Variants in ASH1L observed in about 807,000 individuals in gnomAD.
ASH1L encodes histone-lysine N-methyltransferase ASH1L.
ASH1L carries 23 observed loss-of-function variants against 269.0 expected under a neutral mutation model. The ratio of observed to expected loss-of-function variants is 0.09; its 90% CI spans 0.06 to 0.12. The LOEUF is 0.12. Ranked by LOEUF, ASH1L falls within the 10% of genes least tolerant of loss-of-function variation. The pLI is 1.00. For synonymous variants in ASH1L, 1,187 were observed against 1,253.5 expected (o/e 0.95, Z 1.12); for missense variants, 2,912 against 3,567.8 (o/e 0.82, Z 4.68).
At position 155,354,488 on chromosome 1, in the gene ASH1L, C is replaced by A; in HGVS notation, c.7198G>T (p.Gly2400Trp). 2 of 1,607,264 alleles carry A rather than the reference C, an allele frequency of 1.2e-6. No homozygotes were observed. Among genetic ancestry groups the A allele is most frequent in the South Asian group, 1.1e-5 (1 of 89,048 alleles). The change falls in exon 16 of 28, where the codon GGG (glycine) becomes TGG (tryptophan). Residue 2400 changes from glycine to tryptophan, a missense_variant. Around this residue, in one of 13 missense-constraint regions of ASH1L, gnomAD observed 309 missense variants for 435.1 expected, o/e 0.71. Coordinates refer to ENST00000392403, the MANE Select transcript of ASH1L (RefSeq NM_018489.3). ...AATGCCTTACCAGACTTGATATTCC[C>A]ATCATCTCGGCAGATCCCATTCCAA... ...TRWNGICRDD[G>W]NIKSDVFMTQ...
At position 155,370,578 on chromosome 1, in the gene ASH1L, A is replaced by G. The variant is rs1470010623; in HGVS notation, c.6612T>C (p.Ile2204=). 5 of 1,614,180 alleles carry G rather than the reference A, an allele frequency of 3.1e-6. No individual in the cohort carries two copies. In the African/African-American group the frequency reaches 5.3e-5, roughly 17 times the overall value. ...CCTCATTTCCCATGCGGTAACTGTC[A>G]ATCACCATCCCACTATCCAGGTTCA... is the stretch of plus-strand genomic sequence containing the variant. ...YCLNLDSGMV[I]DSYRMGNEAR... is the part of the protein sequence containing the mutation. The change falls in exon 12 of 28, where the codon ATT becomes ATC. Residue 2204 remains isoleucine, a synonymous_variant. Transcript: ENST00000392403.
chr1:155,471,173 T>C (rs915037736), intron 3 of ASH1L, among the ~76,000 whole-genome samples: 1 of 152,164 alleles, frequency 6.6e-6, no homozygotes, highest in Non-Finnish European at 1.5e-5. Context: ...GATGGAGAGA[T>C]TCCAAGATAG....
intron 1 of ASH1L, among the ~76,000 whole-genome samples, chr1:155,551,264 G>T (rs1420386837): frequency 6.6e-6 from 1 of 151,156 alleles, no homozygotes; most frequent in African/African-American, 2.5e-5. Flanking sequence ...TAGGCACACA[G>T]TATCTTTTCC....
intron 8 of ASH1L, among the ~76,000 whole-genome samples, 170 bp from the exon 9 acceptor site, chr1:155,378,718 T>C (rs1656678610): frequency 6.6e-6 from 1 of 152,204 alleles, no homozygotes; most frequent in African/African-American, 2.4e-5. Flanking sequence ...GTGATCTCTT[T>C]TTACTCTGAA....
intron 6 of ASH1L, among the ~76,000 whole-genome samples, chr1:155,405,634 A>C (rs1571122215): frequency 1.3e-5 from 2 of 152,196 alleles, no homozygotes; most frequent in East Asian, 3.9e-4. Context: ...GTTCAAGATC[A>C]GCTTGACCAA....
At chr1:155,536,371 G>A (rs940516130) in intron 1 of ASH1L, among the ~76,000 whole-genome samples, 2 of 152,128 alleles carry the variant, frequency 1.3e-5, no homozygotes, top group Non-Finnish European at 2.9e-5. Context: ...TTTAAGAAAT[G>A]ACATGATCTG....
chr1:155,342,936 T>C (rs2148320916), intron 24 of ASH1L: 1 of 161,494 alleles, frequency 6.2e-6, no homozygotes, highest in South Asian at 1.8e-4. Context: ...TTGGAGAATC[T>C]TTCATCATAT....
At chr1:155,463,477 T>C (rs1296127132) in intron 3 of ASH1L, among the ~76,000 whole-genome samples, 2 of 152,190 alleles carry the variant, frequency 1.3e-5, no homozygotes, top group African/African-American at 4.8e-5. Flanking sequence ...TATATATTAA[T>C]TGAGTCCTTA....
At position 155,368,215 on chromosome 1, in the gene ASH1L, T is replaced by C. The variant is rs959852411; in HGVS notation, c.6686+2289A>G. Among the ~76,000 whole-genome samples, 5 of 152,152 alleles carry C rather than the reference T, an allele frequency of 3.3e-5. No homozygotes were observed. The East Asian group carries it at 5.8e-4, about 18-fold the overall frequency. The stretch of plus-strand genomic sequence containing the variant: ...TCTCACCATCTTGCCTAGGCTGGTC[T>C]TGAACTCCTGGGCTCAAGCAATCCT... On this transcript the variant is annotated intron_variant, in intron 12 of 27. Coordinates refer to ENST00000392403, the MANE Select transcript of ASH1L (RefSeq NM_018489.3).
rs186293295 is a variant in ASH1L, at chr1:155,449,150, G to A, written c.5087-10082C>T. On this transcript the variant is annotated intron_variant, in intron 4 of 27. Coordinates refer to ENST00000392403, the MANE Select transcript of ASH1L (RefSeq NM_018489.3). ...AGGGTTTCACCATGTTGGCCAGGATGGTCTCGATCTCTTGACCTCATGATC... is the reference window on the plus strand; with the variant it reads ...AGGGTTTCACCATGTTGGCCAGGATAGTCTCGATCTCTTGACCTCATGATC... Among the ~76,000 whole-genome samples, 504 of 151,900 alleles carry A rather than the reference G, an allele frequency of 3.3e-3. 3 individuals carry two copies. The highest frequency in any genetic ancestry group is 0.012 in the African/African-American group (484 of 41,416).
At chr1:155,471,760 A>C (rs1011450497) in intron 3 of ASH1L, among the ~76,000 whole-genome samples, 1 of 152,262 alleles carries the variant, frequency 6.6e-6, no homozygotes, top group Non-Finnish European at 1.5e-5. Context: ...GGTTGCACGA[A>C]GTTGCAAATT....
At chr1:155,547,588 T>C (rs1336051600) in intron 1 of ASH1L, among the ~76,000 whole-genome samples, 1 of 151,890 alleles carries the variant, frequency 6.6e-6, no homozygotes, top group Non-Finnish European at 1.5e-5. Context: ...CCAGGTGTGG[T>C]AGCACATGAC....
At position 155,480,541 on chromosome 1, in the gene ASH1L, G is replaced by A. The variant is rs150671158; in HGVS notation, c.2329C>T (p.Arg777Cys). The part of the protein sequence containing the change: ...PSFVDHDFLK[R>C]RLPKLSKSTA... ...GATTTGCTCAACTTTGGCAATCGGCGTTTAAGGAAGTCATGATCTACAAAT... is the reference window on the plus strand; with the variant it reads ...GATTTGCTCAACTTTGGCAATCGGCATTTAAGGAAGTCATGATCTACAAAT... The change falls in exon 3 of 28, where the codon CGC (arginine) becomes TGC (cysteine). Residue 777 changes from arginine to cysteine, a missense_variant. Physicochemically the swap from Arg to Cys is radical, Grantham distance 180. Transcript: ENST00000392403. 2.3e-4 allele frequency: 365 copies of A among 1,614,100 alleles called. No homozygotes were observed. The highest frequency in any genetic ancestry group is 2.9e-4 in the Non-Finnish European group (342 of 1,179,962).
In ASH1L at chr1:155,337,483, C is replaced by T; in HGVS notation, c.*177G>A. On this transcript the variant is annotated 3_prime_UTR_variant, in exon 28 of 28. Coordinates refer to ENST00000392403, the MANE Select transcript of ASH1L (RefSeq NM_018489.3). ...AACCTGAACTGTCTTGGACAGAACC[C>T]TTTCCTCTCCCTCTCCACTAGCTCC... The T allele has an allele frequency of 1.7e-6, 1 of 597,642 alleles. No homozygotes were observed. 37.0% of individuals were successfully genotyped at this position (597,642 alleles called of 1,614,324 possible). A position where few individuals can be genotyped will look rare whatever the true frequency, so the allele number is the denominator to read the frequency against.
At chr1:155,426,452 C>T (rs1296849177) in intron 5 of ASH1L, among the ~76,000 whole-genome samples, 3 of 151,950 alleles carry the variant, frequency 2.0e-5, no homozygotes, top group East Asian at 1.9e-4. Context: ...CCGACCGCCT[C>T]GGCCTCCCAA....
intron 7 of ASH1L, among the ~76,000 whole-genome samples, chr1:155,386,056 A>G (rs1034714853): frequency 1.1e-4 from 16 of 150,432 alleles, no homozygotes; most frequent in African/African-American, 3.7e-4. Flanking sequence ...GTGTCTGTTC[A>G]TGTCCCTTGC....
At chr1:155,527,689 C>A (rs1339193564) in intron 1 of ASH1L, among the ~76,000 whole-genome samples, 1 of 152,000 alleles carries the variant, frequency 6.6e-6, no homozygotes, top group Non-Finnish European at 1.5e-5. Flanking sequence ...GCTAGAAATA[C>A]AGGCATGTGC....
intron 7 of ASH1L, among the ~76,000 whole-genome samples, chr1:155,380,870 C>A (rs542743756): frequency 6.6e-6 from 1 of 151,498 alleles, no homozygotes; most frequent in South Asian, 2.1e-4. Flanking sequence ...GAACTCCTGA[C>A]CTAAGGTGGT....
At chr1:155,357,770 T>A (rs1281804158) in intron 13 of ASH1L, 21 bp from the exon 14 acceptor site, 1 of 1,593,028 alleles carries the variant, frequency 6.3e-7, no homozygotes, top group Non-Finnish European at 8.5e-7. Flanking sequence ...AGAGAATAAT[T>A]TTTTTATTTT....
Sources: allele counts gnomAD v4.1 joint callset (sites outside exome capture counted in the v4.1 genomes callset), GRCh38; gene constraint gnomAD v4.1.1; regional missense constraint gnomAD v4.1.1; transcripts MANE v1.5; gene names NCBI Gene and HGNC (gene_info 2026-07-23, HGNC 2026-07-21).